Variants in TSC2 observed in about 807,000 individuals in gnomAD.
TSC2 encodes TSC complex subunit 2, also known as tuberin.
In TSC2, 29 loss-of-function variants were observed where a neutral mutation model predicts 202.2. That is an observed-to-expected ratio of 0.14 (90% CI 0.11 to 0.20). The LOEUF (loss-of-function observed/expected upper bound fraction) is 0.20, where lower values mean the gene tolerates loss of function less well. Ranked by LOEUF, TSC2 falls within the 10% of genes least tolerant of loss-of-function variation. The probability of loss-of-function intolerance (pLI) is 1.00; values close to 1 mark genes in which losing one functional copy is unlikely to be tolerated. For missense variants in TSC2, 2,429 were observed against 2,420.0 expected, an observed-to-expected ratio of 1.00 and a Z score of -0.08; for synonymous variants, 1,349 against 1,044.0, an observed-to-expected ratio of 1.29 and a Z score of -5.63.
At position 2,081,758 on chromosome 16, in the gene TSC2, C is replaced by T. The variant is rs876659596; in HGVS notation, c.3774C>T (p.Ala1258=). Residue 1258 remains alanine (A), a synonymous_variant, in exon 31 of 42, where the codon GCC becomes GCT. Transcript: ENST00000219476. ...ACAAGTCACTGTCGGTGCCGGCAGCCAGCACGGCCAAACCCCCTCCTCTGC... is the reference window on the plus strand; with the variant it reads ...ACAAGTCACTGTCGGTGCCGGCAGCTAGCACGGCCAAACCCCCTCCTCTGC... ...ALYKSLSVPA[A]STAKPPPLPR... 6.2e-7 allele frequency: 1 copy of T among 1,612,810 alleles called. No homozygotes were observed. The highest frequency in any genetic ancestry group is 2.2e-5 in the East Asian group (1 of 44,892).
intron 11 of TSC2, chr16:2,061,649 G>T (rs1174301204): frequency 1.5e-6 from 1 of 661,910 alleles, no homozygotes; most frequent in East Asian, 2.9e-5. Flanking sequence ...GGGTGTCCTG[G>T]GCCACGTGGG....
intron 22 of TSC2, chr16:2,074,650 C>T: frequency 1.8e-6 from 1 of 551,072 alleles, no homozygotes. Flanking sequence ...AGTGGCCCTC[C>T]CCTGGTTTTG....
At chr16:2,088,368 C>T (rs541223334) in intron 41 of TSC2, 43 bp downstream of exon 41, 2 of 1,612,372 alleles carry the variant, frequency 1.2e-6, no homozygotes, top group East Asian at 2.2e-5. Context: ...GCTGGCTGCC[C>T]AAGCTGTGGG....
chr16:2,077,541 T>A, intron 25 of TSC2, 57 bp from the exon 26 acceptor site: 1 of 1,610,298 alleles, frequency 6.2e-7, no homozygotes. Context: ...TGGCTTGTTC[T>A]CCCCTTCCCG....
At chr16:2,053,848 C>G (rs1306729629) in intron 4 of TSC2, 1 of 492,724 alleles carries the variant, frequency 2.0e-6, no homozygotes, top group Non-Finnish European at 4.0e-6. Context: ...CCTGAACACC[C>G]AGGCCTCTTG....
In TSC2 at chr16:2,077,661, G is replaced by A; in HGVS notation, c.2901G>A (p.Lys967=). The change falls in exon 26 of 42, where the codon AAG becomes AAA. Residue 967 remains lysine, a synonymous_variant. Coordinates refer to ENST00000219476, the MANE Select transcript of TSC2 (RefSeq NM_000548.5). ...ACTCTCCACCCGTGAAAGAATTCAAGGAGAGCTCTGCAGCCGAGGCCTTCC... is the reference window on the plus strand; with the variant it reads ...ACTCTCCACCCGTGAAAGAATTCAAAGAGAGCTCTGCAGCCGAGGCCTTCC... ...LNNSPPVKEF[K]ESSAAEAFRC... 6.2e-7 allele frequency: 1 copy of A among 1,613,120 alleles called. No individual in the cohort carries two copies. Among genetic ancestry groups the A allele is most frequent in the Non-Finnish European group, 8.5e-7 (1 of 1,180,032 alleles).
intron 9 of TSC2, 84 bp downstream of exon 9, chr16:2,057,262 T>C (rs900940831): frequency 6.7e-7 from 1 of 1,483,046 alleles, no homozygotes; most frequent in Non-Finnish European, 9.2e-7. Context: ...AAGCACACAC[T>C]GGCTTAGAGA....
chr16:2,052,355 G>C (rs963182636), intron 3 of TSC2, among the ~76,000 whole-genome samples: 1 of 151,994 alleles, frequency 6.6e-6, no homozygotes, highest in South Asian at 2.1e-4. Context: ...TGTCACCCAG[G>C]CCGGGGTGCA....
chr16:2,078,786 T>C (rs2089744655), intron 26 of TSC2: 1 of 571,190 alleles, frequency 1.8e-6, no homozygotes, highest in Non-Finnish European at 3.1e-6. Flanking sequence ...GGGATGTCGG[T>C]CTCTAGCCTC....
At chr16:2,049,753 G>A (rs1391833017) in intron 2 of TSC2, among the ~76,000 whole-genome samples, 2 of 151,634 alleles carry the variant, frequency 1.3e-5, no homozygotes, top group East Asian at 2.0e-4. Context: ...GAACCCGGGA[G>A]GCGGAGGTTT....
intron 3 of TSC2, among the ~76,000 whole-genome samples, 178 bp from the exon 4 acceptor site, chr16:2,053,163 GA>G (rs2085336406): frequency 6.6e-6 from 1 of 152,176 alleles, no homozygotes; most frequent in South Asian, 2.1e-4. Flanking sequence ...TTCCCTGTAC[GA>G]AGCCTGTGGT....
Position 2,084,993 on chromosome 16 carries a change from C to T in TSC2, c.4536C>T (p.Asp1512=), listed in dbSNP as rs35986575. The T allele has an allele frequency of 3.8e-3, 6,078 of 1,613,256 alleles. 19 individuals are homozygous for T. The highest frequency in any genetic ancestry group is 4.0e-3 in the Non-Finnish European group (4,753 of 1,179,974). The change falls in exon 35 of 42, where the codon GAC becomes GAT. Residue 1512 remains aspartate, a synonymous_variant. Transcript: ENST00000219476. ...LQLYHSPFFG[D]ESNKPILLPN... ...TCTACCATTCCCCCTTCTTTGGCGA[C>T]GAGTCAAACAAGCCAATCCTGCTGC...
intron 36 of TSC2, among the ~76,000 whole-genome samples, chr16:2,085,708 A>T (rs1463433279): frequency 6.6e-6 from 1 of 152,182 alleles, no homozygotes; most frequent in Non-Finnish European, 1.5e-5. Context: ...GCCCAGCTTG[A>T]GCACTGGTGC....
Position 2,088,876 on chromosome 16 carries a change from C to CGCGT in TSC2, c.*269_*270insTGCG, listed in dbSNP as rs2091272814. On this transcript the variant is annotated 3_prime_UTR_variant, in exon 42 of 42. Transcript: ENST00000219476. Reference sequence around the variant, plus strand: ...GCCATACAGCACACTCGCGCGTGCGCGCGCGCACACACACACACACACAGT... The same window carrying CGCGT: ...GCCATACAGCACACTCGCGCGTGCGCGCGTGCGCGCACACACACACACACACAGT... 2.1e-6 allele frequency: 1 copy of CGCGT among 485,086 alleles called. No homozygotes were observed. Among genetic ancestry groups the CGCGT allele is most frequent in the African/African-American group, 2.7e-5 (1 of 36,556 alleles). 30.0% of individuals were successfully genotyped at this position (485,086 alleles called of 1,614,324 possible).
In TSC2 at chr16:2,071,482, C is replaced by G. The variant is rs1243379199; in HGVS notation, c.1840-28C>G. The G allele has an allele frequency of 3.1e-6, 5 of 1,612,576 alleles. No individual in the cohort carries two copies. In the African/African-American group the frequency reaches 6.7e-5, roughly 22 times the overall value. On this transcript the variant is annotated intron_variant, in intron 17 of 41. Coordinates refer to ENST00000219476, the MANE Select transcript of TSC2 (RefSeq NM_000548.5). The stretch of plus-strand genomic sequence containing the variant: ...GTCCTGGGCCTGCACGAGCTTGGCT[C>G]TGGCTTTCACCATCCTCTTCCTGAC...
intron 37 of TSC2, 90 bp from the exon 38 acceptor site, chr16:2,086,642 C>T (rs975596084): frequency 8.2e-6 from 13 of 1,580,920 alleles, no homozygotes; most frequent in Non-Finnish European, 1.0e-5. Flanking sequence ...GCCCCCAGAG[C>T]CCCTGGAGTA....
intron 17 of TSC2, among the ~76,000 whole-genome samples, chr16:2,071,165 G>A (rs766089049): frequency 1.1e-4 from 16 of 152,254 alleles, no homozygotes; most frequent in Non-Finnish European, 2.1e-4. Flanking sequence ...TGGAAGAAGT[G>A]GCAGGGCTGG....
At chr16:2,048,875 T>C (rs929385288) in intron 2 of TSC2, 122 bp downstream of exon 2, 7 of 1,423,008 alleles carry the variant, frequency 4.9e-6, no homozygotes, top group Non-Finnish European at 6.9e-6. Flanking sequence ...GAATGCTGTC[T>C]CCAGTACTTG....
Position 2,071,554 on chromosome 16 carries a change from C to T in TSC2, c.1884C>T (p.Arg628=), listed in dbSNP as rs1225653495. The T allele has an allele frequency of 1.2e-6, 2 of 1,613,656 alleles. No homozygotes were observed. Among genetic ancestry groups the T allele is most frequent in the Non-Finnish European group, 1.7e-6 (2 of 1,180,046 alleles). The stretch of plus-strand genomic sequence containing the variant: ...TGCTGCGGGCCGACTCACTGCACCG[C>T]CTGGGCCTGCCCAACAAGGATGGAG... The part of the protein sequence containing the change: ...LLLLRADSLH[R]LGLPNKDGVV... The change falls in exon 18 of 42, where the codon CGC becomes CGT. Residue 628 remains arginine (R), a synonymous_variant. Coordinates refer to ENST00000219476, the MANE Select transcript of TSC2 (RefSeq NM_000548.5).
Sources: allele counts gnomAD v4.1 joint callset (sites outside exome capture counted in the v4.1 genomes callset), GRCh38; gene constraint gnomAD v4.1.1; transcripts MANE v1.5; gene names NCBI Gene and HGNC (gene_info 2026-07-23, HGNC 2026-07-21).